The following HGD variants were observed in gnomAD, a reference collection of about 807,000 sequenced individuals.
HGD encodes the protein homogentisate 1,2-dioxygenase, also known as homogentisate oxidase.
In HGD, 61 loss-of-function variants were observed where a neutral mutation model predicts 60.8. That is an observed-to-expected ratio of 1.00 (90% confidence interval 0.82 to 1.24). The LOEUF (loss-of-function observed/expected upper bound fraction) is 1.24. Ranked by LOEUF, HGD falls within the 50% of genes most tolerant of loss-of-function variation. The pLI is 0.00. For missense variants in HGD, 542 were observed against 547.1 expected, an observed-to-expected ratio of 0.99 and a Z score of 0.09; for synonymous variants, 212 against 187.7, an observed-to-expected ratio of 1.13 and a Z score of -1.06.
chr3:120,659,172 G>A (rs1178029970), intron 4 of HGD, among the ~76,000 whole-genome samples: 1 of 152,116 alleles, frequency 6.6e-6, no homozygotes, highest in Non-Finnish European at 1.5e-5. Flanking sequence ...CTACCACATG[G>A]CCAGGCTGCA....
intron 13 of HGD, 108 bp from the exon 14 acceptor site, chr3:120,628,637 A>G (rs1940492465): frequency 7.7e-7 from 1 of 1,296,796 alleles, no homozygotes; most frequent in African/African-American, 1.5e-5. Context: ...TCCAATAACA[A>G]ATCAAAGATT....
chr3:120,644,194 T>C (rs1941083696), intron 10 of HGD, 125 bp downstream of exon 10: 1 of 1,097,808 alleles, frequency 9.1e-7, no homozygotes, highest in African/African-American at 1.5e-5. Flanking sequence ...GCTTTATTTG[T>C]AGTGCCGTAG....
chr3:120,681,917 C>A (rs1354025854), intron 1 of HGD, among the ~76,000 whole-genome samples, 180 bp downstream of exon 1: 1 of 152,198 alleles, frequency 6.6e-6, no homozygotes. Flanking sequence ...TCCTTTATCA[C>A]CTTTCCCTTG....
intron 13 of HGD, among the ~76,000 whole-genome samples, chr3:120,632,480 A>C (rs1940621467): frequency 6.6e-6 from 1 of 152,236 alleles, no homozygotes. Flanking sequence ...AGAATACAAA[A>C]CAGGTTTTAA....
intron 3 of HGD, chr3:120,674,625 G>A (rs1012697401): frequency 2.6e-6 from 1 of 383,528 alleles, no homozygotes; most frequent in African/African-American, 2.1e-5. Context: ...AAACTATTAG[G>A]AATATTTCCT....
At chr3:120,635,445 C>A (rs1940736861) in intron 12 of HGD, among the ~76,000 whole-genome samples, 1 of 141,260 alleles carries the variant, frequency 7.1e-6, no homozygotes, top group Non-Finnish European at 1.5e-5. Flanking sequence ...CCACTGCACT[C>A]CAGCCTGGGA....
At chr3:120,670,363 A>G (rs1039570785) in intron 4 of HGD, 64 bp downstream of exon 4, 3 of 821,882 alleles carry the variant, frequency 3.7e-6, no homozygotes, top group Admixed American at 1.7e-5. Context: ...ATGGTATTCT[A>G]TTTAGGTATT....
chr3:120,649,638 G>A lies in HGD; in HGVS notation c.434+1136C>T, dbSNP rs145193616. Reference sequence around the variant, plus strand: ...AGAGACTGAGCTCCTCAGCTCTGAAGAGAAAGGGCATTTTGTTCTTCCCAA... The same window carrying A: ...AGAGACTGAGCTCCTCAGCTCTGAAAAGAAAGGGCATTTTGTTCTTCCCAA... On this transcript the variant is annotated intron_variant, in intron 6 of 13. Coordinates refer to ENST00000283871, the MANE Select transcript of HGD (RefSeq NM_000187.4). Among the ~76,000 whole-genome samples the A allele has an allele frequency of 3.3e-5, 5 of 152,310 alleles. No homozygotes were observed. In the East Asian group the frequency reaches 5.8e-4, roughly 18 times the overall value.
At chr3:120,676,336 A>C (rs1223863232) in intron 1 of HGD, among the ~76,000 whole-genome samples, 1 of 152,252 alleles carries the variant, frequency 6.6e-6, no homozygotes, top group East Asian at 1.9e-4. Flanking sequence ...ATGAAAATAA[A>C]GTTTAAAGAT....
chr3:120,670,852 T>G (rs953159114), intron 3 of HGD, among the ~76,000 whole-genome samples: 1 of 152,218 alleles, frequency 6.6e-6, no homozygotes, highest in African/African-American at 2.4e-5. Flanking sequence ...TTGAGGGATA[T>G]CTGTGTAGGA....
intron 10 of HGD, among the ~76,000 whole-genome samples, chr3:120,643,782 T>C (rs972823523): frequency 3.9e-4 from 60 of 152,214 alleles, no homozygotes; most frequent in Non-Finnish European, 1.5e-4. Flanking sequence ...ATTGTTGTTA[T>C]TATTATTTAT....
chr3:120,667,232 A>C lies in HGD; in HGVS notation c.282+3195T>G, dbSNP rs571815351. ...TCCCAGCTACTCAGGGGACTGAGGTAGGAGGATCATCTGAGCCTGGGAAGT... is the reference window on the plus strand; with the variant it reads ...TCCCAGCTACTCAGGGGACTGAGGTCGGAGGATCATCTGAGCCTGGGAAGT... On this transcript the variant is annotated intron_variant, in intron 4 of 13. Transcript: ENST00000283871. Among the ~76,000 whole-genome samples the C allele has an allele frequency of 5.5e-5, 8 of 145,220 alleles. No individual in the cohort carries two copies. In the South Asian group the frequency reaches 1.9e-3, roughly 35 times the overall value.
intron 13 of HGD, among the ~76,000 whole-genome samples, chr3:120,632,617 G>A (rs777981742): frequency 1.3e-5 from 2 of 152,324 alleles, no homozygotes; most frequent in East Asian, 1.9e-4. Flanking sequence ...CTTGAAACAC[G>A]TGCTGAAGGT....
chr3:120,670,613 C>A, intron 3 of HGD, 81 bp from the exon 4 acceptor site: 1 of 827,206 alleles, frequency 1.2e-6, no homozygotes. Flanking sequence ...GCAGTACCAT[C>A]AGGAAGACAC....
intron 4 of HGD, among the ~76,000 whole-genome samples, chr3:120,664,394 T>C (rs1559796816): frequency 6.6e-6 from 1 of 151,822 alleles, no homozygotes; most frequent in Non-Finnish European, 1.5e-5. Flanking sequence ...CTCTTTCTTT[T>C]CTTTCTTTCT....
chr3:120,670,360 T>C (rs1707997680), intron 4 of HGD, 67 bp downstream of exon 4: 1 of 817,762 alleles, frequency 1.2e-6, no homozygotes, highest in South Asian at 1.3e-5. Context: ...ACCATGGTAT[T>C]CTATTTAGGT....
intron 1 of HGD, among the ~76,000 whole-genome samples, chr3:120,679,135 T>C (rs137893479): frequency 1.0e-3 from 155 of 152,366 alleles, no homozygotes; most frequent in African/African-American, 3.6e-3. Flanking sequence ...GTGACTTCAG[T>C]ACCATCAGCT....
chr3:120,656,682 G>T (rs1309840048), intron 4 of HGD, among the ~76,000 whole-genome samples: 1 of 152,112 alleles, frequency 6.6e-6, no homozygotes, highest in East Asian at 1.9e-4. Flanking sequence ...CTCCTGAGTA[G>T]CTGGGACTGC....
intron 3 of HGD, 78 bp downstream of exon 3, chr3:120,674,822 GC>G (rs1047051445): frequency 1.1e-6 from 1 of 941,554 alleles, no homozygotes; most frequent in African/African-American, 1.6e-5. Context: ...GGAGGCTGTG[GC>G]CCAGGGGAAG....
Sources: allele counts gnomAD v4.1 joint callset (sites outside exome capture counted in the v4.1 genomes callset), GRCh38; gene constraint gnomAD v4.1.1; transcripts MANE v1.5; gene names NCBI Gene and HGNC (gene_info 2026-07-23, HGNC 2026-07-21).